TOP1MT: variants seen among roughly 807,000 people sequenced by gnomAD.
TOP1MT encodes DNA topoisomerase I mitochondrial.
Under a neutral mutation model 73.9 loss-of-function variants are expected in TOP1MT, and 80 were observed. The ratio of observed to expected loss-of-function variants is 1.08; its 90% CI spans 0.90 to 1.30. The LOEUF (loss-of-function observed/expected upper bound fraction) is 1.30, where lower values mean the gene tolerates loss of function less well. Among genes scored for constraint, TOP1MT ranks in the 50% most tolerant of loss-of-function variants. TOP1MT has a pLI of 0.00. For missense variants in TOP1MT, 815 were observed against 808.0 expected, an observed-to-expected ratio of 1.01 and a Z score of -0.10; for synonymous variants, 338 against 326.4, an observed-to-expected ratio of 1.04 and a Z score of -0.38.
At chr8:143,323,881 T>G in intron 7 of TOP1MT, 118 bp downstream of exon 7, 8 of 1,134,440 alleles carry the variant, frequency 7.1e-6, no homozygotes, top group Non-Finnish European at 1.0e-5. Context: ...ACCCCCCCCA[T>G]CAGAATGAGG....
chr8:143,316,048 C>A lies in TOP1MT; in HGVS notation c.1409G>T (p.Arg470Leu). The A allele has an allele frequency of 6.2e-7, 1 of 1,614,142 alleles. No homozygotes were observed. Among genetic ancestry groups the A allele is most frequent in the Non-Finnish European group, 8.5e-7 (1 of 1,179,986 alleles). Residue 470 changes from arginine to leucine, a missense_variant, in exon 11 of 14, where the codon CGA (arginine) becomes CTA (leucine). Around this residue, in one of 3 missense-constraint regions of TOP1MT, gnomAD observed 751 missense variants for 725.4 expected, o/e 1.04. Transcript: ENST00000329245. Reference protein sequence around the residue: ...RVVAILCNHQRATPSTFEKSM... With the variant: ...RVVAILCNHQLATPSTFEKSM... ...CTTCTCGAACGTACTGGGGGTTGCT[C>A]GCTGATGGTTGCAGAGAATGGCCAC...
chr8:143,324,023 C>T lies in TOP1MT; in HGVS notation c.936G>A (p.Ala312=), dbSNP rs759235799. ...KSREMKTRQR[A]VALYFIDKLA... is the part of the protein sequence containing the mutation. ...CCTTATCGATGAAATACAGGGCCAC[C>T]GCCCGCTGTCTCGTCTTCATTTCCC... The change falls in exon 7 of 14, where the codon GCG becomes GCA. Residue 312 remains alanine (A), a synonymous_variant. Transcript: ENST00000329245. 91 of 1,613,800 alleles carry T rather than the reference C, an allele frequency of 5.6e-5. No individual in the cohort carries two copies. The highest frequency in any genetic ancestry group is 3.3e-4 in the Middle Eastern group (2 of 6,062).
intron 7 of TOP1MT, among the ~76,000 whole-genome samples, chr8:143,323,742 CACACATGCACGCCCCA>C (rs1816619327): frequency 2.1e-5 from 1 of 48,116 alleles, no homozygotes; most frequent in Non-Finnish European, 4.0e-5. Context: ...ATGCACGCCA[CACACATGCACGCCCCA>C]CACAGACATG....
intron 7 of TOP1MT, among the ~76,000 whole-genome samples, chr8:143,322,423 C>T (rs1246378524): frequency 1.5e-5 from 2 of 135,188 alleles, no homozygotes; most frequent in African/African-American, 3.2e-5. Context: ...GCACGCCACA[C>T]ACATGCACAC....
At chr8:143,324,199 G>A in intron 6 of TOP1MT, 57 bp from the exon 7 acceptor site, 2 of 1,597,726 alleles carry the variant, frequency 1.3e-6, no homozygotes, top group Non-Finnish European at 1.7e-6. Context: ...AATAACGGAG[G>A]AGGCTGTCAA....
intron 10 of TOP1MT, 103 bp from the exon 11 acceptor site, chr8:143,316,229 T>A: frequency 6.5e-7 from 1 of 1,549,844 alleles, no homozygotes; most frequent in South Asian, 1.1e-5. Context: ...CCCCTTCCAC[T>A]CACACAGGCA....
At chr8:143,319,166 C>G (rs953858447) in intron 8 of TOP1MT, among the ~76,000 whole-genome samples, 1 of 152,238 alleles carries the variant, frequency 6.6e-6, no homozygotes, top group Non-Finnish European at 1.5e-5. Flanking sequence ...CCCGACCAGA[C>G]TGCCTGAGGC....
chr8:143,328,995 C>T (rs181797199), intron 3 of TOP1MT, among the ~76,000 whole-genome samples: 18 of 152,306 alleles, frequency 1.2e-4, no homozygotes, highest in East Asian at 7.7e-4. Flanking sequence ...AAATGGCATG[C>T]GGCCTCCTCT....
chr8:143,328,550 T>C (rs1268116105), intron 3 of TOP1MT, among the ~76,000 whole-genome samples: 2 of 152,230 alleles, frequency 1.3e-5, no homozygotes, highest in Non-Finnish European at 2.9e-5. Flanking sequence ...TGTGGACAGT[T>C]CAGCCTGGTG....
At chr8:143,326,467 G>C in intron 3 of TOP1MT, 123 bp from the exon 4 acceptor site, 1 of 1,314,704 alleles carries the variant, frequency 7.6e-7, no homozygotes. Flanking sequence ...GTGTGCAATA[G>C]GCAGAACCTG....
At chr8:143,321,700 C>T (rs1381042019) in intron 7 of TOP1MT, among the ~76,000 whole-genome samples, 8 of 134,134 alleles carry the variant, frequency 6.0e-5, no homozygotes, top group Admixed American at 4.5e-4. Flanking sequence ...ACGCACGCCA[C>T]GCACACATGC....
At chr8:143,337,839 C>A (rs1304974802), upstream of TOP1MT, among the ~76,000 whole-genome samples, 1 of 152,178 alleles carries the variant, frequency 6.6e-6, no homozygotes, top group East Asian at 1.9e-4. Context: ...AAGATCGGCC[C>A]GGACCTAATC....
intron 10 of TOP1MT, 136 bp from the exon 11 acceptor site, chr8:143,316,262 G>A: frequency 5.0e-6 from 7 of 1,388,098 alleles, no homozygotes; most frequent in Non-Finnish European, 5.0e-6. Flanking sequence ...GGGAGAGTGA[G>A]GGCCAAGGGT....
chr8:143,345,981 G>C (rs1397532763), upstream of TOP1MT, among the ~76,000 whole-genome samples: 1 of 152,204 alleles, frequency 6.6e-6, no homozygotes, highest in Non-Finnish European at 1.5e-5. Context: ...AGTGTGTGTG[G>C]ACATGTCTGT....
At chr8:143,314,099 C>T (rs1425948042) in intron 12 of TOP1MT, among the ~76,000 whole-genome samples, 4 of 152,202 alleles carry the variant, frequency 2.6e-5, no homozygotes, top group East Asian at 1.9e-4. Context: ...CCTACAGTGG[C>T]GCCTGGACAG....
At position 143,350,459 on chromosome 8, in the gene TOP1MT, G is replaced by A. The variant is rs1230443995; in HGVS notation, c.-39+5506C>T. Among the ~76,000 whole-genome samples, 4 of 152,298 alleles carry A rather than the reference G, an allele frequency of 2.6e-5. No individual in the cohort carries two copies. In the South Asian group the frequency reaches 8.3e-4, roughly 32 times the overall value. On this transcript the variant is annotated intron_variant, in intron 1 of 5. Coordinates refer to the TOP1MT transcript ENST00000518760. ...TGATTCTCCTGCCTCAGCCTCCTGA[G>A]TAGCTGGGATTACAGGCGCCTGCCA...
intron 1 of TOP1MT, among the ~76,000 whole-genome samples, chr8:143,351,077 T>C (rs1175558233): frequency 6.6e-6 from 1 of 152,108 alleles, no homozygotes; most frequent in Non-Finnish European, 1.5e-5. Flanking sequence ...CCTCTACAGC[T>C]CATCACCCTG....
At chr8:143,352,089 T>C (rs766909278) in intron 1 of TOP1MT, among the ~76,000 whole-genome samples, 5 of 152,070 alleles carry the variant, frequency 3.3e-5, no homozygotes, top group Non-Finnish European at 7.4e-5. Context: ...TCTCAAAATA[T>C]ATAAAAGACA....
intron 7 of TOP1MT, among the ~76,000 whole-genome samples, chr8:143,323,409 C>T (rs1478499583): frequency 3.2e-5 from 4 of 126,790 alleles, no homozygotes; most frequent in Non-Finnish European, 4.9e-5. Context: ...ACGCCACACA[C>T]GCACGCCACA....
Sources: allele counts gnomAD v4.1 joint callset (sites outside exome capture counted in the v4.1 genomes callset), GRCh38; gene constraint gnomAD v4.1.1; regional missense constraint gnomAD v4.1.1; transcripts MANE v1.5; gene names NCBI Gene and HGNC (gene_info 2026-07-23, HGNC 2026-07-21).